The following TRPS1 variants were observed in gnomAD, a reference collection of about 807,000 sequenced individuals.
TRPS1 encodes zinc finger transcription factor Trps1.
TRPS1 carries 6 observed loss-of-function variants against 101.2 expected under a neutral mutation model. The observed-to-expected ratio is 0.06, with a 90% CI of 0.03 to 0.12. The LOEUF is 0.12. TRPS1 is among the 10% of genes least tolerant of loss of function. The probability of loss-of-function intolerance (pLI) is 1.00; values close to 1 mark genes in which losing one functional copy is unlikely to be tolerated. For synonymous variants in TRPS1, 578 were observed against 589.8 expected (o/e 0.98, Z 0.29); for missense variants, 1,363 against 1,567.0 (o/e 0.87, Z 2.20).
intron 3 of TRPS1, among the ~76,000 whole-genome samples, chr8:115,618,767 T>G (rs1383702994): frequency 6.6e-6 from 1 of 152,220 alleles, no homozygotes; most frequent in Non-Finnish European, 1.5e-5. Flanking sequence ...AATCTAAAAC[T>G]GGAACAAGGC....
At chr8:115,555,097 T>C (rs76470677) in intron 5 of TRPS1, among the ~76,000 whole-genome samples, 2,319 of 152,272 alleles carry the variant, frequency 0.015, 50 homozygotes, top group African/African-American at 0.053. Flanking sequence ...CCCTAGAAGC[T>C]ACTAACTGTC....
In TRPS1 at chr8:115,411,348, C is replaced by T. The variant is rs553939430; in HGVS notation, c.*2675G>A. ...CAAAAATAAAGAACCTATTTGTGTC[C>T]GACACACTAGAGAAATTGCTTAATG... On this transcript the variant is annotated 3_prime_UTR_variant, in exon 7 of 7. Transcript: ENST00000395715. 35 of 152,202 alleles carry T rather than the reference C, an allele frequency of 2.3e-4. No homozygotes were observed. The highest frequency in any genetic ancestry group is 5.6e-4 in the African/African-American group (23 of 41,440). 9.4% of individuals were successfully genotyped at this position (152,202 alleles called of 1,614,324 possible). A position where few individuals can be genotyped will look rare whatever the true frequency, so the allele number is the denominator to read the frequency against.
intron 5 of TRPS1, among the ~76,000 whole-genome samples, chr8:115,439,289 A>T (rs1813532508): frequency 6.6e-6 from 1 of 152,236 alleles, no homozygotes; most frequent in Non-Finnish European, 1.5e-5. Flanking sequence ...GAGCTTGTGA[A>T]ACTGACATGG....
rs1812836499 is a variant in TRPS1 at position 115,413,487 on chromosome 8, C to G, written c.*536G>C. Reference sequence around the variant, plus strand: ...TTCTAGGTCAAAATCTGAAACATGGCCAATGAGAGAAGACTAAATTGAGAG... The same window carrying G: ...TTCTAGGTCAAAATCTGAAACATGGGCAATGAGAGAAGACTAAATTGAGAG... On this transcript the variant is annotated 3_prime_UTR_variant, in exon 7 of 7. Transcript: ENST00000395715. The G allele has an allele frequency of 6.5e-6, 1 of 152,994 alleles. No homozygotes were observed. The highest frequency in any genetic ancestry group is 2.1e-4 in the South Asian group (1 of 4,842). 9.5% of individuals were successfully genotyped at this position (152,994 alleles called of 1,614,324 possible).
At chr8:115,638,371 ACT>A (rs545142486) in intron 1 of TRPS1, among the ~76,000 whole-genome samples, 1 of 152,016 alleles carries the variant, frequency 6.6e-6, no homozygotes, top group African/African-American at 2.4e-5. Flanking sequence ...TTCCTTTAAG[ACT>A]CTGCAGTGGA....
At chr8:115,626,289 A>C (rs1818507740) in intron 1 of TRPS1, among the ~76,000 whole-genome samples, 2 of 149,080 alleles carry the variant, frequency 1.3e-5, no homozygotes, top group South Asian at 4.2e-4. Flanking sequence ...GGTTTAGGGA[A>C]AAAAAAAAAA....
chr8:115,473,495 C>T (rs1187919152), intron 5 of TRPS1, among the ~76,000 whole-genome samples: 1 of 152,158 alleles, frequency 6.6e-6, no homozygotes, highest in Non-Finnish European at 1.5e-5. Context: ...GAGGACACAG[C>T]CAAACCATAT....
chr8:115,468,930 A>G (rs1332377237), intron 5 of TRPS1, among the ~76,000 whole-genome samples: 2 of 152,166 alleles, frequency 1.3e-5, no homozygotes, highest in African/African-American at 2.4e-5. Context: ...ATATGAGGCC[A>G]GGAGTTTGAG....
intron 1 of TRPS1, among the ~76,000 whole-genome samples, chr8:115,645,880 G>A (rs1411743899): frequency 6.6e-6 from 1 of 152,056 alleles, no homozygotes; most frequent in Non-Finnish European, 1.5e-5. Context: ...ACATAACAGA[G>A]CTTTTGAATT....
intron 5 of TRPS1, among the ~76,000 whole-genome samples, chr8:115,582,230 A>G (rs1817467688): frequency 6.6e-6 from 1 of 152,192 alleles, no homozygotes; most frequent in South Asian, 2.1e-4. Flanking sequence ...AAGCAAAACA[A>G]TGAATATCAC....
rs547288630 is a variant in TRPS1 at position 115,594,023 on chromosome 8, T to A, written c.2097-6419A>T. On this transcript the variant is annotated intron_variant, in intron 4 of 6. Transcript: ENST00000395715. The stretch of plus-strand genomic sequence containing the variant: ...AGATTGACAGTAAGTATCTGCTTAA[T>A]AACAAAGAAATGGACAGTCACAGCT... 3.3e-5 allele frequency among the ~76,000 whole-genome samples: 5 copies of A among 152,214 alleles called. No homozygotes were observed. The South Asian group carries it at 1.0e-3, about 32-fold the overall frequency.
chr8:115,665,834 G>C (rs564453085), intron 1 of TRPS1, among the ~76,000 whole-genome samples: 14 of 152,226 alleles, frequency 9.2e-5, no homozygotes, highest in Admixed American at 7.8e-4. Flanking sequence ...CAAACTTTGT[G>C]TTAGTAACTT....
intron 5 of TRPS1, among the ~76,000 whole-genome samples, chr8:115,475,866 G>C (rs1586311927): frequency 6.6e-6 from 1 of 152,058 alleles, no homozygotes; most frequent in Non-Finnish European, 1.5e-5. Flanking sequence ...ATAAGTTCTA[G>C]CTCAATAAAC....
intron 5 of TRPS1, among the ~76,000 whole-genome samples, chr8:115,550,422 C>T (rs2130337190): frequency 6.6e-6 from 1 of 152,274 alleles, no homozygotes; most frequent in East Asian, 1.9e-4. Context: ...CTCAACCTCT[C>T]TGAAGTTCAG....
intron 5 of TRPS1, among the ~76,000 whole-genome samples, chr8:115,452,221 TA>T (rs1436694830): frequency 6.6e-6 from 1 of 152,104 alleles, no homozygotes; most frequent in Non-Finnish European, 1.5e-5. Context: ...GACTTAGTAA[TA>T]AAGTGCTAAG....
At chr8:115,470,763 A>G (rs1218416656) in intron 5 of TRPS1, among the ~76,000 whole-genome samples, 1 of 152,216 alleles carries the variant, frequency 6.6e-6, no homozygotes, top group East Asian at 1.9e-4. Flanking sequence ...TAACATATCA[A>G]TGATTCATAT....
intron 5 of TRPS1, among the ~76,000 whole-genome samples, chr8:115,563,396 T>C (rs1816994137): frequency 6.6e-6 from 1 of 152,030 alleles, no homozygotes; most frequent in Non-Finnish European, 1.5e-5. Flanking sequence ...AAAATACTTA[T>C]TTCAGATTTA....
chr8:115,535,093 C>T (rs62513007), intron 5 of TRPS1, among the ~76,000 whole-genome samples: 4 of 142,810 alleles, frequency 2.8e-5, no homozygotes, highest in South Asian at 2.2e-4. Context: ...GCATATATAT[C>T]GCATATGTAT....
At chr8:115,513,395 G>A (rs1815630944) in intron 5 of TRPS1, among the ~76,000 whole-genome samples, 1 of 151,662 alleles carries the variant, frequency 6.6e-6, no homozygotes, top group African/African-American at 2.4e-5. Context: ...ATTTGTGAAC[G>A]TGGTATGGTT....
Sources: allele counts gnomAD v4.1 joint callset (sites outside exome capture counted in the v4.1 genomes callset), GRCh38; gene constraint gnomAD v4.1.1; transcripts MANE v1.5; gene names NCBI Gene and HGNC (gene_info 2026-07-23, HGNC 2026-07-21).